THSD7A: variants seen among roughly 807,000 people sequenced by gnomAD.
THSD7A encodes the protein thrombospondin type 1 domain containing 7A.
In THSD7A, 96 loss-of-function variants were observed where a neutral mutation model predicts 231.3. The observed-to-expected ratio is 0.41, with a 90% CI of 0.35 to 0.49. The LOEUF is 0.49. Ranked by LOEUF, THSD7A falls within the 20% of genes least tolerant of loss-of-function variation. The pLI is 0.05. For synonymous variants in THSD7A, 940 were observed against 743.3 expected (o/e 1.26, Z -4.30); for missense variants, 2,290 against 2,070.2 (o/e 1.11, Z -2.06).
chr7:11,412,726 G>T lies in THSD7A; in HGVS notation c.3612C>A (p.Cys1204Ter). Residue 1204 changes from cysteine to a stop codon, truncating the protein, a stop_gained, in exon 18 of 28, where the codon TGC becomes TGA. Transcript: ENST00000423059. LOFTEE classifies it high-confidence loss of function. ...IRQPADEGRS[C>*]PNAVEKEPCN... ...AGGGTTCTTTCTCAACAGCATTAGG[G>T]CAAGATCTTCCTTCATCAGCTGGTT... The T allele has an allele frequency of 1.2e-6, 2 of 1,613,722 alleles. No individual in the cohort carries two copies. The highest frequency in any genetic ancestry group is 1.7e-6 in the Non-Finnish European group (2 of 1,179,794).
chr7:11,390,484 A>G (rs1782936820), intron 23 of THSD7A, among the ~76,000 whole-genome samples: 1 of 152,286 alleles, frequency 6.6e-6, no homozygotes, highest in South Asian at 2.1e-4. Context: ...TAAACTGGTT[A>G]TTCATGTTAG....
intron 1 of THSD7A, among the ~76,000 whole-genome samples, chr7:11,704,630 T>C (rs940245819): frequency 6.6e-6 from 1 of 150,984 alleles, no homozygotes; most frequent in African/African-American, 2.4e-5. Flanking sequence ...AATATTTCTA[T>C]TGATCTTATT....
chr7:11,749,400 T>C (rs1782425100), intron 1 of THSD7A, among the ~76,000 whole-genome samples: 2 of 152,030 alleles, frequency 1.3e-5, no homozygotes, highest in Admixed American at 6.6e-5. Context: ...GGTAAGCTTC[T>C]ATCATTCTTC....
At chr7:11,427,404 T>C (rs772992710) in intron 14 of THSD7A, among the ~76,000 whole-genome samples, 3 of 152,180 alleles carry the variant, frequency 2.0e-5, no homozygotes, top group Non-Finnish European at 4.4e-5. Flanking sequence ...AGTCAACCGA[T>C]ACCAAGTCAC....
At chr7:11,659,373 T>C (rs1336648868) in intron 1 of THSD7A, among the ~76,000 whole-genome samples, 1 of 151,592 alleles carries the variant, frequency 6.6e-6, no homozygotes, top group Non-Finnish European at 1.5e-5. Context: ...TGCCCTCTCA[T>C]TGCTCTTAGG....
chr7:11,721,327 C>A (rs1338199390), intron 1 of THSD7A, among the ~76,000 whole-genome samples: 1 of 151,658 alleles, frequency 6.6e-6, no homozygotes, highest in Non-Finnish European at 1.5e-5. Context: ...AACATATTTT[C>A]CCCTTGCTAA....
intron 4 of THSD7A, among the ~76,000 whole-genome samples, chr7:11,582,290 G>A (rs1164550529): frequency 1.3e-5 from 2 of 151,364 alleles, no homozygotes; most frequent in Non-Finnish European, 3.0e-5. Context: ...TATATTAATA[G>A]TTATTAAAAC....
chr7:11,430,078 G>C (rs537191165), intron 13 of THSD7A, among the ~76,000 whole-genome samples: 1 of 152,178 alleles, frequency 6.6e-6, no homozygotes, highest in Non-Finnish European at 1.5e-5. Context: ...TGAATGTGGA[G>C]AGAAGGTGTT....
chr7:11,807,391 A>G (rs1426384639), intron 1 of THSD7A, among the ~76,000 whole-genome samples: 1 of 152,176 alleles, frequency 6.6e-6, no homozygotes, highest in African/African-American at 2.4e-5. Context: ...TCCCAAATAT[A>G]CTACTTATTT....
In THSD7A at chr7:11,376,627, A is replaced by G; in HGVS notation, c.4832T>C (p.Val1611Ala). The G allele has an allele frequency of 6.3e-7, 1 of 1,586,620 alleles. No individual in the cohort carries two copies. The highest frequency in any genetic ancestry group is 8.6e-7 in the Non-Finnish European group (1 of 1,165,502). The change falls in exon 27 of 28, where the codon GTA (valine) becomes GCA (alanine). Residue 1611 changes from valine to alanine, a missense_variant. Coordinates refer to ENST00000423059, the MANE Select transcript of THSD7A (RefSeq NM_015204.3). ...DGRLKTWVYG[V>A]AAGAFVLLIF... is the part of the protein sequence containing the mutation. ...GAGTAACACAAATGCCCCAGCTGCT[A>G]CACCGTAAACCCAGGTCTTTAGTCT... is the stretch of plus-strand genomic sequence containing the variant.
intron 2 of THSD7A, among the ~76,000 whole-genome samples, chr7:11,635,098 A>G (rs1486790139): frequency 1.3e-5 from 2 of 152,218 alleles, no homozygotes; most frequent in Non-Finnish European, 2.9e-5. Context: ...GGCCATAAGA[A>G]AAACAATCCA....
At chr7:11,687,356 ATAG>A (rs1780090297) in intron 1 of THSD7A, among the ~76,000 whole-genome samples, 1 of 151,990 alleles carries the variant, frequency 6.6e-6, no homozygotes, top group Non-Finnish European at 1.5e-5. Context: ...CTGTCCTATG[ATAG>A]AGATACTGGT....
intron 23 of THSD7A, among the ~76,000 whole-genome samples, chr7:11,398,788 C>T (rs1357696334): frequency 1.3e-5 from 2 of 152,102 alleles, no homozygotes. Flanking sequence ...GTCACTGCAG[C>T]CAGCCCTGAT....
chr7:11,786,884 G>C (rs186784656), intron 1 of THSD7A, among the ~76,000 whole-genome samples: 176 of 151,948 alleles, frequency 1.2e-3, no homozygotes, highest in Admixed American at 7.9e-3. Flanking sequence ...CATGCTTGCT[G>C]TCTCTATTTC....
chr7:11,550,383 T>C (rs951430840), intron 4 of THSD7A, among the ~76,000 whole-genome samples: 13 of 152,042 alleles, frequency 8.6e-5, no homozygotes, highest in African/African-American at 3.1e-4. Context: ...AATAGTGACA[T>C]GGTTTTTTTC....
chr7:11,693,063 C>T (rs921962145), intron 1 of THSD7A, among the ~76,000 whole-genome samples: 4 of 151,454 alleles, frequency 2.6e-5, no homozygotes, highest in African/African-American at 9.7e-5. Context: ...TTATTGACCT[C>T]TGCTTAAACT....
chr7:11,645,759 T>A (rs753243154), intron 1 of THSD7A, among the ~76,000 whole-genome samples: 76 of 151,964 alleles, frequency 5.0e-4, no homozygotes, highest in Non-Finnish European at 9.4e-4. Context: ...ACCTATATGA[T>A]CTCATTTGAT....
chr7:11,496,713 T>C (rs991075328), intron 6 of THSD7A, among the ~76,000 whole-genome samples: 2 of 152,188 alleles, frequency 1.3e-5, no homozygotes, highest in African/African-American at 4.8e-5. Flanking sequence ...ATCTCACTTC[T>C]ACAAGTAAGG....
intron 6 of THSD7A, among the ~76,000 whole-genome samples, chr7:11,491,929 G>A (rs1786909871): frequency 6.6e-6 from 1 of 151,854 alleles, no homozygotes; most frequent in African/African-American, 2.4e-5. Context: ...CTATTCTTAA[G>A]TCTTGGTTAT....
Sources: allele counts gnomAD v4.1 joint callset (sites outside exome capture counted in the v4.1 genomes callset), GRCh38; gene constraint gnomAD v4.1.1; transcripts MANE v1.5; gene names NCBI Gene and HGNC (gene_info 2026-07-23, HGNC 2026-07-21).